PRKG1: variants seen among roughly 807,000 people sequenced by gnomAD.
PRKG1 encodes cGMP-dependent protein kinase 1.
PRKG1 carries 35 observed loss-of-function variants against 88.1 expected under a neutral mutation model. The ratio of observed to expected loss-of-function variants is 0.40; its 90% CI spans 0.30 to 0.53. The LOEUF (loss-of-function observed/expected upper bound fraction) is 0.53, where lower values mean the gene tolerates loss of function less well. Among genes scored for constraint, PRKG1 ranks in the 20% least tolerant of loss-of-function variants. The pLI is 0.59. For synonymous variants in PRKG1, 303 were observed against 292.5 expected (o/e 1.04, Z -0.37); for missense variants, 540 against 839.8 (o/e 0.64, Z 4.41).
intron 3 of PRKG1, among the ~76,000 whole-genome samples, chr10:51,581,006 AG>A (rs1170142865): frequency 0.07 from 10,496 of 150,026 alleles, 1,191 homozygotes; most frequent in African/African-American, 0.24. Context: ...AGCTGGGTCC[AG>A]GGGGGGGTCA....
chr10:52,111,899 A>G (rs1360779199), intron 7 of PRKG1, among the ~76,000 whole-genome samples: 1 of 152,310 alleles, frequency 6.6e-6, no homozygotes, highest in African/African-American at 2.4e-5. Flanking sequence ...ACTACTTAAC[A>G]TTAGCAGAGG....
At chr10:52,276,617 G>T (rs534663570) in intron 12 of PRKG1, among the ~76,000 whole-genome samples, 2 of 152,166 alleles carry the variant, frequency 1.3e-5, no homozygotes, top group South Asian at 4.1e-4. Context: ...GGGCATAAGG[G>T]CCTTATCTCT....
Position 51,274,859 on chromosome 10 carries a change from T to C in PRKG1, c.478+121529T>C, listed in dbSNP as rs191684402. ...AAAAAAGTGGGCAGTATAGTCCCTCTCTATGGACAGGGGAGTACAAACACA... is the reference window on the plus strand; with the variant it reads ...AAAAAAGTGGGCAGTATAGTCCCTCCCTATGGACAGGGGAGTACAAACACA... On this transcript the variant is annotated intron_variant, in intron 2 of 17. Coordinates refer to ENST00000373980, the MANE Select transcript of PRKG1 (RefSeq NM_006258.4). 2.7e-4 allele frequency among the ~76,000 whole-genome samples: 41 copies of C among 152,334 alleles called. No homozygotes were observed. The East Asian group carries it at 7.3e-3, about 27-fold the overall frequency.
At chr10:51,445,546 C>CAACAACAACAACA (rs1209855525) in intron 2 of PRKG1, among the ~76,000 whole-genome samples, 27 of 141,782 alleles carry the variant, frequency 1.9e-4, no homozygotes, top group African/African-American at 8.1e-4. Context: ...ACAACAACAA[C>CAACAACAACAACA]AACGAACAGT....
At chr10:51,828,028 T>C (rs1390595899) in intron 4 of PRKG1, among the ~76,000 whole-genome samples, 2 of 152,160 alleles carry the variant, frequency 1.3e-5, no homozygotes, top group Non-Finnish European at 2.9e-5. Flanking sequence ...GATATATCTC[T>C]GAATTATTGG....
chr10:52,043,895 T>C (rs530611905), intron 5 of PRKG1, among the ~76,000 whole-genome samples: 1 of 138,868 alleles, frequency 7.2e-6, no homozygotes, highest in East Asian at 2.1e-4. Flanking sequence ...AACAGTGTCA[T>C]TGAAGAGCCC....
At chr10:51,604,771 T>C (rs1251053606) in intron 3 of PRKG1, among the ~76,000 whole-genome samples, 1 of 152,206 alleles carries the variant, frequency 6.6e-6, no homozygotes. Flanking sequence ...GGGAGTGCTT[T>C]TGGGATCTGG....
At chr10:51,279,341 C>A (rs1012211227) in intron 2 of PRKG1, among the ~76,000 whole-genome samples, 3 of 152,272 alleles carry the variant, frequency 2.0e-5, no homozygotes, top group Admixed American at 6.5e-5. Context: ...AATTTCTGTT[C>A]TTTTTCATTT....
At chr10:51,772,628 TG>T (rs1272937292) in intron 3 of PRKG1, among the ~76,000 whole-genome samples, 2 of 152,036 alleles carry the variant, frequency 1.3e-5, no homozygotes, top group Non-Finnish European at 2.9e-5. Context: ...CTGAGTTTTC[TG>T]TTTGTTTGGT....
chr10:52,244,219 C>T (rs1306802591), intron 9 of PRKG1, among the ~76,000 whole-genome samples: 1 of 151,908 alleles, frequency 6.6e-6, no homozygotes, highest in Non-Finnish European at 1.5e-5. Context: ...TTTTTTAAAA[C>T]TTTATAGTAA....
intron 12 of PRKG1, among the ~76,000 whole-genome samples, chr10:52,279,662 A>T (rs538933345): frequency 1.3e-5 from 2 of 152,128 alleles, no homozygotes; most frequent in Non-Finnish European, 2.9e-5. Context: ...TTGAAAAAAA[A>T]ATAAGTGTCA....
At chr10:51,117,091 G>A (rs1414725595) in intron 1 of PRKG1, among the ~76,000 whole-genome samples, 2 of 152,138 alleles carry the variant, frequency 1.3e-5, no homozygotes, top group Admixed American at 1.3e-4. Flanking sequence ...CCAATTTTGA[G>A]GAAGTAATAT....
intron 5 of PRKG1, among the ~76,000 whole-genome samples, chr10:51,925,732 A>G (rs1019205270): frequency 6.6e-6 from 1 of 152,150 alleles, no homozygotes; most frequent in Non-Finnish European, 1.5e-5. Context: ...TAGGGATAAA[A>G]CTGATGGAAG....
At chr10:51,879,284 C>G (rs1438926365) in intron 4 of PRKG1, among the ~76,000 whole-genome samples, 1 of 152,156 alleles carries the variant, frequency 6.6e-6, no homozygotes, top group African/African-American at 2.4e-5. Flanking sequence ...TGTAACTGTG[C>G]TGTTAGTCTT....
At chr10:51,652,210 T>G (rs576729411) in intron 3 of PRKG1, among the ~76,000 whole-genome samples, 110 of 152,226 alleles carry the variant, frequency 7.2e-4, no homozygotes, top group African/African-American at 2.6e-3. Context: ...TTACAACTCC[T>G]TTGATAGTTA....
chr10:51,475,621 A>C (rs1419459805), intron 3 of PRKG1, among the ~76,000 whole-genome samples: 1 of 152,038 alleles, frequency 6.6e-6, no homozygotes, highest in African/African-American at 2.4e-5. Context: ...TATTTAAGGA[A>C]AGTTGCATTT....
At chr10:51,172,644 G>C (rs112153643) in intron 2 of PRKG1, among the ~76,000 whole-genome samples, 8,793 of 119,592 alleles carry the variant, frequency 0.074, 531 homozygotes, top group African/African-American at 0.18. Flanking sequence ...ATGTATGTAT[G>C]TATGTATCTA....
intron 7 of PRKG1, among the ~76,000 whole-genome samples, chr10:52,113,117 T>C (rs1170670054): frequency 6.6e-6 from 1 of 150,702 alleles, no homozygotes; most frequent in African/African-American, 2.4e-5. Flanking sequence ...ATTCAGAGTT[T>C]GAATGTGCAA....
chr10:52,194,139 AC>A (rs1839446259), intron 9 of PRKG1, among the ~76,000 whole-genome samples: 1 of 152,288 alleles, frequency 6.6e-6, no homozygotes, highest in Admixed American at 6.5e-5. Context: ...AAAGAAGAAA[AC>A]AAAACACCCC....
Sources: gnomAD v4.1 joint callset for allele counts (sites outside exome capture counted in the v4.1 genomes callset) on GRCh38, gnomAD v4.1.1 for gene constraint, MANE v1.5 for transcripts, NCBI Gene and HGNC (gene_info 2026-07-23, HGNC 2026-07-21) for gene names.